The following PALM2AKAP2 variants were observed in gnomAD, a reference collection of about 807,000 sequenced individuals.
The protein encoded by PALM2AKAP2 is PALM2-AKAP2 fusion protein.
PALM2AKAP2 carries 37 observed loss-of-function variants against 71.5 expected under a neutral mutation model. The ratio of observed to expected loss-of-function variants is 0.52; its 90% confidence interval spans 0.40 to 0.68. PALM2AKAP2 has a LOEUF of 0.68. Among genes scored for constraint, PALM2AKAP2 ranks in the 30% least tolerant of loss-of-function variants. PALM2AKAP2 has a pLI of 0.00. For synonymous variants in PALM2AKAP2, 468 were observed against 478.8 expected (o/e 0.98, Z 0.29); for missense variants, 1,224 against 1,191.8 (o/e 1.03, Z -0.40).
chr9:109,827,029 T>C (rs1362621609), intron 1 of PALM2AKAP2, among the ~76,000 whole-genome samples: 2 of 152,244 alleles, frequency 1.3e-5, no homozygotes, highest in Admixed American at 6.5e-5. Flanking sequence ...TAGAGTAATC[T>C]ACTAAGTGAG....
chr9:110,137,807 C>T lies in PALM2AKAP2; in HGVS notation c.1837C>T (p.Pro613Ser), dbSNP rs771119802. 8 of 1,613,878 alleles carry T rather than the reference C, an allele frequency of 5.0e-6. No homozygotes were observed. In the East Asian group the frequency reaches 6.7e-5, roughly 13 times the overall value. The change falls in exon 2 of 4, where the codon CCC becomes TCC. Residue 613 changes from proline (P) to serine (S), a missense_variant. Transcript: ENST00000374525. ...AAATTCACTGGCTGATTTTTCTCTG[C>T]CCCAGACACCACAAACTGACAACCC...
chr9:109,873,289 CCT>C (rs998020627), intron 2 of PALM2AKAP2, among the ~76,000 whole-genome samples: 2 of 151,984 alleles, frequency 1.3e-5, no homozygotes, highest in African/African-American at 4.8e-5. Context: ...ATGGCAAAAC[CCT>C]GTCTCTACTA....
intron 1 of PALM2AKAP2, among the ~76,000 whole-genome samples, chr9:109,758,679 C>A (rs1465346228): frequency 6.6e-6 from 1 of 152,006 alleles, no homozygotes; most frequent in African/African-American, 2.4e-5. Flanking sequence ...CTATAAGTGA[C>A]CTAATCATCC....
intron 6 of PALM2AKAP2, among the ~76,000 whole-genome samples, chr9:109,932,953 A>C (rs1365320084): frequency 1.3e-5 from 2 of 152,272 alleles, no homozygotes; most frequent in African/African-American, 4.8e-5. Flanking sequence ...GGCCAACCTG[A>C]ATATTTCATG....
At chr9:109,875,158 G>T (rs2131732996) in intron 2 of PALM2AKAP2, among the ~76,000 whole-genome samples, 1 of 152,150 alleles carries the variant, frequency 6.6e-6, no homozygotes, top group African/African-American at 2.4e-5. Context: ...ATTTGTTCCG[G>T]TCCACAAACA....
rs187395568 is a variant in PALM2AKAP2 at position 109,836,953 on chromosome 9, C to T, written c.46-30538C>T. Among the ~76,000 whole-genome samples, 390 of 152,326 alleles carry T rather than the reference C, an allele frequency of 2.6e-3. 4 individuals carry two copies. The highest frequency in any genetic ancestry group is 8.8e-3 in the African/African-American group (365 of 41,572). ...GAATGGAACCAAATTGGAAAACACT[C>T]TGCAGGATATTATCCAGGAGAACTT... is the stretch of plus-strand genomic sequence containing the variant. On this transcript the variant is annotated intron_variant, in intron 1 of 9. Coordinates refer to the PALM2AKAP2 transcript ENST00000302798.
intron 6 of PALM2AKAP2, among the ~76,000 whole-genome samples, chr9:110,001,285 T>G (rs1186125629): frequency 2.0e-5 from 3 of 152,202 alleles, no homozygotes; most frequent in African/African-American, 7.2e-5. Flanking sequence ...TTTCCCCATT[T>G]CTTGTTTTTG....
intron 1 of PALM2AKAP2, among the ~76,000 whole-genome samples, chr9:109,646,097 C>G (rs938362640): frequency 1.3e-5 from 2 of 152,186 alleles, no homozygotes; most frequent in East Asian, 3.8e-4. Context: ...GTGACATGCT[C>G]TGTACTGGAT....
intron 3 of PALM2AKAP2, among the ~76,000 whole-genome samples, chr9:109,881,385 G>T (rs986270894): frequency 6.6e-6 from 1 of 152,208 alleles, no homozygotes; most frequent in Non-Finnish European, 1.5e-5. Context: ...GGGTCAGGTT[G>T]TTAGCTGTTA....
rs566981200 is a variant in PALM2AKAP2, at chr9:109,907,178, T to C, written c.258-16557T>C. On this transcript the variant is annotated intron_variant, in intron 3 of 9. Transcript: ENST00000302798. ...ACTCAGACTCTCTTCTTTGCATTCCTGCAGCATTTTGGTCTTGCAATTTGA... is the reference window on the plus strand; with the variant it reads ...ACTCAGACTCTCTTCTTTGCATTCCCGCAGCATTTTGGTCTTGCAATTTGA... Among the ~76,000 whole-genome samples, 5 of 152,352 alleles carry C rather than the reference T, an allele frequency of 3.3e-5. No homozygotes were observed. The East Asian group carries it at 9.6e-4, about 29-fold the overall frequency.
chr9:109,780,513 G>C (rs771198007), exon 1 of PALM2AKAP2: 2 of 1,613,680 alleles, frequency 1.2e-6, no homozygotes, highest in South Asian at 2.2e-5. Flanking sequence ...ATTGCACAAG[G>C]AAAGGCTGCA....
chr9:109,788,517 T>C (rs1030390200), intron 1 of PALM2AKAP2, among the ~76,000 whole-genome samples: 1 of 152,202 alleles, frequency 6.6e-6, no homozygotes, highest in Non-Finnish European at 1.5e-5. Flanking sequence ...TCTGTAGGTC[T>C]AGGGTGATGT....
At chr9:109,982,548 C>T (rs975399441) in intron 6 of PALM2AKAP2, among the ~76,000 whole-genome samples, 10 of 152,116 alleles carry the variant, frequency 6.6e-5, no homozygotes, top group African/African-American at 1.9e-4. Context: ...TATTTCGCAT[C>T]GTATGCCAGT....
intron 1 of PALM2AKAP2, among the ~76,000 whole-genome samples, chr9:109,712,050 A>C (rs1389142430): frequency 6.6e-6 from 1 of 151,818 alleles, no homozygotes; most frequent in East Asian, 1.9e-4. Context: ...TAGGCTCTAG[A>C]GTAGGCTCTA....
intron 1 of PALM2AKAP2, among the ~76,000 whole-genome samples, chr9:109,815,835 G>C (rs1356429630): frequency 6.6e-6 from 1 of 151,636 alleles, no homozygotes; most frequent in Non-Finnish European, 1.5e-5. Flanking sequence ...GATTTGCATG[G>C]ATTGTTTTAA....
At chr9:109,898,879 G>C (rs1830266066) in intron 3 of PALM2AKAP2, among the ~76,000 whole-genome samples, 1 of 152,152 alleles carries the variant, frequency 6.6e-6, no homozygotes, top group African/African-American at 2.4e-5. Flanking sequence ...ATCAACTGTT[G>C]AGCAGCAACG....
intron 1 of PALM2AKAP2, among the ~76,000 whole-genome samples, chr9:109,864,441 CCTT>C (rs1829392978): frequency 6.6e-6 from 1 of 152,170 alleles, no homozygotes; most frequent in African/African-American, 2.4e-5. Flanking sequence ...TTCCATTTGT[CCTT>C]CTCTTTCCAT....
intron 1 of PALM2AKAP2, among the ~76,000 whole-genome samples, chr9:109,840,177 A>G (rs1828614785): frequency 1.3e-5 from 2 of 152,206 alleles, no homozygotes; most frequent in South Asian, 4.1e-4. Flanking sequence ...GATATAGACC[A>G]ATGGAACAGA....
chr9:109,836,896 C>T (rs955118712), intron 1 of PALM2AKAP2, among the ~76,000 whole-genome samples: 5 of 152,162 alleles, frequency 3.3e-5, no homozygotes, highest in Non-Finnish European at 7.4e-5. Flanking sequence ...AACAAATCTA[C>T]ATCTGATTGG....
Sources: allele counts gnomAD v4.1 joint callset (sites outside exome capture counted in the v4.1 genomes callset), GRCh38; gene constraint gnomAD v4.1.1; transcripts MANE v1.5; gene names NCBI Gene and HGNC (gene_info 2026-07-23, HGNC 2026-07-21).